SBF2: variants seen among roughly 807,000 people sequenced by gnomAD.
The protein encoded by SBF2 is SET binding factor 2.
Under a neutral mutation model 225.2 loss-of-function variants are expected in SBF2, and 112 were observed. The ratio of observed to expected loss-of-function variants is 0.50; its 90% CI spans 0.43 to 0.58. The LOEUF is 0.58. Ranked by LOEUF, SBF2 falls within the 20% of genes least tolerant of loss-of-function variation. The pLI is 0.00. For missense variants in SBF2, 1,996 were observed against 2,206.2 expected (o/e 0.90, Z 1.91); for synonymous variants, 763 against 773.3 (o/e 0.99, Z 0.22).
At chr11:10,293,971 G>T in intron 1 of SBF2, 44 bp downstream of exon 1, 1 of 1,263,504 alleles carries the variant, frequency 7.9e-7, no homozygotes. Context: ...GACAGCGGCC[G>T]GGGGGCGGGG....
intron 1 of SBF2, among the ~76,000 whole-genome samples, chr11:10,210,516 T>C (rs1039090715): frequency 6.6e-6 from 1 of 152,118 alleles, no homozygotes; most frequent in East Asian, 1.9e-4. Context: ...TCTTAGACAA[T>C]TGCCCTGCTA....
chr11:9,878,667 C>A (rs1444665686), intron 17 of SBF2, among the ~76,000 whole-genome samples: 1 of 152,162 alleles, frequency 6.6e-6, no homozygotes, highest in East Asian at 1.9e-4. Flanking sequence ...GAGGTACACA[C>A]AATGCTTGTT....
intron 17 of SBF2, among the ~76,000 whole-genome samples, chr11:9,882,578 G>A (rs1859873676): frequency 1.3e-5 from 2 of 152,042 alleles, no homozygotes; most frequent in African/African-American, 4.8e-5. Flanking sequence ...GGAGGCCAAG[G>A]CGGGCGGATC....
intron 2 of SBF2, among the ~76,000 whole-genome samples, chr11:10,164,157 G>A (rs2135220620): frequency 6.6e-6 from 1 of 152,154 alleles, no homozygotes; most frequent in Admixed American, 6.5e-5. Flanking sequence ...TCACCATCTT[G>A]GATATTCCAC....
intron 16 of SBF2, chr11:9,960,284 T>A (rs1866478041): frequency 6.6e-6 from 1 of 152,300 alleles, no homozygotes; most frequent in Non-Finnish European, 1.5e-5. Flanking sequence ...AATCTTTTCT[T>A]TTAACATTGG....
At chr11:9,906,761 TA>T (rs1355652045) in intron 16 of SBF2, among the ~76,000 whole-genome samples, 2 of 152,218 alleles carry the variant, frequency 1.3e-5, no homozygotes, top group Non-Finnish European at 2.9e-5. Context: ...GTAATAAACA[TA>T]CCAGACATTT....
chr11:10,073,158 A>T (rs1950960881), intron 2 of SBF2, among the ~76,000 whole-genome samples: 1 of 152,156 alleles, frequency 6.6e-6, no homozygotes, highest in Admixed American at 6.5e-5. Context: ...TGCTGTGAAT[A>T]TGAAGTGCTT....
intron 16 of SBF2, among the ~76,000 whole-genome samples, chr11:9,909,586 C>T (rs1344635388): frequency 6.6e-6 from 1 of 150,650 alleles, no homozygotes; most frequent in African/African-American, 2.4e-5. Context: ...AGGAGAATGG[C>T]ATGAACCCGG....
intron 1 of SBF2, among the ~76,000 whole-genome samples, chr11:10,249,016 A>T (rs1192913660): frequency 6.6e-6 from 1 of 152,120 alleles, no homozygotes; most frequent in Non-Finnish European, 1.5e-5. Flanking sequence ...GAATGGCATG[A>T]ACCTGGCAGG....
At chr11:10,112,375 T>C (rs147416275) in intron 2 of SBF2, among the ~76,000 whole-genome samples, 342 of 152,276 alleles carry the variant, frequency 2.2e-3, no homozygotes, top group African/African-American at 7.7e-3. Flanking sequence ...TCTCACAAGA[T>C]CTGATGGTTT....
At chr11:9,915,509 A>T (rs1590428628) in intron 16 of SBF2, 1 of 152,048 alleles carries the variant, frequency 6.6e-6, no homozygotes, top group African/African-American at 2.4e-5. Context: ...TAAAACAAGG[A>T]AAAGATGGAC....
chr11:9,964,935 T>C lies in SBF2; in HGVS notation c.1601-1053A>G, dbSNP rs1438274568. On this transcript the variant is annotated intron_variant, in intron 14 of 39. Coordinates refer to ENST00000256190, the MANE Select transcript of SBF2 (RefSeq NM_030962.4). ...CTTGTCACATGGACATACTGCATAGTGGTGAAGTCTGGGCTTTTAGTGTAT... is the reference window on the plus strand; with the variant it reads ...CTTGTCACATGGACATACTGCATAGCGGTGAAGTCTGGGCTTTTAGTGTAT... 3.3e-5 allele frequency among the ~76,000 whole-genome samples: 5 copies of C among 152,170 alleles called. No individual in the cohort carries two copies. In the South Asian group the frequency reaches 6.2e-4, roughly 19 times the overall value.
At chr11:10,255,527 T>C (rs2135498329) in intron 1 of SBF2, among the ~76,000 whole-genome samples, 1 of 152,350 alleles carries the variant, frequency 6.6e-6, no homozygotes, top group South Asian at 2.1e-4. Context: ...TGAAGATACA[T>C]TATCCTCCAG....
chr11:10,183,633 T>A (rs1191577547), intron 2 of SBF2, among the ~76,000 whole-genome samples: 2 of 152,206 alleles, frequency 1.3e-5, no homozygotes, highest in Non-Finnish European at 2.9e-5. Context: ...TAAATGGATA[T>A]CCAGTTGTTC....
intron 1 of SBF2, among the ~76,000 whole-genome samples, chr11:10,253,868 C>T (rs1345565651): frequency 6.6e-6 from 1 of 151,888 alleles, no homozygotes; most frequent in Non-Finnish European, 1.5e-5. Flanking sequence ...ATAAATCTGG[C>T]CACAAGATAC....
chr11:10,184,410 T>C (rs1046251738), intron 2 of SBF2, among the ~76,000 whole-genome samples: 3 of 152,220 alleles, frequency 2.0e-5, no homozygotes, highest in Admixed American at 6.5e-5. Context: ...GATTTATTCA[T>C]TTCAGTACAT....
chr11:9,830,289 T>C (rs1855308658), intron 27 of SBF2, among the ~76,000 whole-genome samples: 1 of 152,244 alleles, frequency 6.6e-6, no homozygotes, highest in African/African-American at 2.4e-5. Flanking sequence ...TTAGCATTAT[T>C]GTATTTTATC....
chr11:9,859,570 C>T (rs1212852229), intron 17 of SBF2, among the ~76,000 whole-genome samples: 3 of 152,164 alleles, frequency 2.0e-5, no homozygotes, highest in Admixed American at 2.0e-4. Context: ...GTGAGTAGAA[C>T]TAAAGTTTCT....
intron 32 of SBF2, 199 bp downstream of exon 32, chr11:9,807,801 G>C (rs987531190): frequency 8.0e-6 from 5 of 623,418 alleles, no homozygotes; most frequent in Non-Finnish European, 1.4e-5. Flanking sequence ...CAGCTTAGCT[G>C]TCCTAGTTTC....
Sources: allele counts gnomAD v4.1 joint callset (sites outside exome capture counted in the v4.1 genomes callset), GRCh38; gene constraint gnomAD v4.1.1; transcripts MANE v1.5; gene names NCBI Gene and HGNC (gene_info 2026-07-23, HGNC 2026-07-21).